The following DDX59 variants were observed in gnomAD, a reference collection of about 807,000 sequenced individuals.
DDX59 encodes the protein probable ATP-dependent RNA helicase DDX59.
In DDX59, 30 loss-of-function variants were observed where a neutral mutation model predicts 51.9. That is an observed-to-expected ratio of 0.58 (90% CI 0.43 to 0.78). The LOEUF (loss-of-function observed/expected upper bound fraction) is 0.78. Among genes scored for constraint, DDX59 ranks in the 30% least tolerant of loss-of-function variants. The pLI is 0.00. For missense variants in DDX59, 672 were observed against 730.8 expected (o/e 0.92, Z 0.93); for synonymous variants, 255 against 253.3 (o/e 1.01, Z -0.06).
chr1:200,650,256 CA>C (rs1661571315), intron 5 of DDX59, among the ~76,000 whole-genome samples, 168 bp downstream of exon 5: 1 of 152,018 alleles, frequency 6.6e-6, no homozygotes. Context: ...CATGTTTTCC[CA>C]AATAGCTATT....
rs542150697 is a variant in DDX59 at position 200,657,794 on chromosome 1, G to A, written c.1062+1233C>T. 2.6e-5 allele frequency among the ~76,000 whole-genome samples: 4 copies of A among 151,688 alleles called. No individual in the cohort carries two copies. The South Asian group carries it at 8.3e-4, about 32-fold the overall frequency. On this transcript the variant is annotated intron_variant, in intron 4 of 7. Transcript: ENST00000331314. ...TAGCTGGGCATGGTGGCAGGTGCCT[G>A]TAATCCCAGCTACTCAGGAGGCTGA...
At position 200,659,201 on chromosome 1, in the gene DDX59, T is replaced by C. The variant is rs1325240859; in HGVS notation, c.973-85A>G. On this transcript the variant is annotated intron_variant, in intron 3 of 7. Transcript: ENST00000331314. Reference sequence around the variant, plus strand: ...TTCCATATTGATTGAGCAACTAATATGTACCAGACACTGTGTTAAGCACCC... The same window carrying C: ...TTCCATATTGATTGAGCAACTAATACGTACCAGACACTGTGTTAAGCACCC... 3.9e-6 allele frequency: 4 copies of C among 1,015,570 alleles called. No homozygotes were observed. In the African/African-American group the frequency reaches 6.4e-5, roughly 16 times the overall value. The allele number at this position is 1,015,570 out of a possible 1,614,324, so 62.9% of individuals were successfully genotyped here.
chr1:200,651,060 T>G (rs1424217587), intron 4 of DDX59, among the ~76,000 whole-genome samples: 1 of 152,146 alleles, frequency 6.6e-6, no homozygotes, highest in Non-Finnish European at 1.5e-5. Flanking sequence ...TTACAGAATA[T>G]TATGTGTAAC....
At position 200,666,201 on chromosome 1, in the gene DDX59, G is replaced by T; in HGVS notation, c.540C>A (p.Asp180Glu). The change falls in exon 2 of 8, where the codon GAC becomes GAA. Residue 180 changes from aspartate to glutamate, a missense_variant. Physicochemically the swap from Asp to Glu is conservative, Grantham distance 45. Coordinates refer to ENST00000331314, the MANE Select transcript of DDX59 (RefSeq NM_001031725.6). ...GCTGCTGTTTAAGATTTTCAATCTG[G>T]TCTTCCTGAAGGTTCAAAATAAAGG... ...EHPFILNLQE[D>E]QIENLKQQLG... 6.2e-7 allele frequency: 1 copy of T among 1,614,200 alleles called. No homozygotes were observed. Among genetic ancestry groups the T allele is most frequent in the Non-Finnish European group, 8.5e-7 (1 of 1,180,030 alleles).
In DDX59 at chr1:200,644,199, A is replaced by G. The variant is rs1193278206; in HGVS notation, c.*55T>C. ...ATGTACATTTCCATTTATGCAAACC[A>G]TAATTTTTTGCTGACTATATACAAT... On this transcript the variant is annotated 3_prime_UTR_variant, in exon 8 of 8. Transcript: ENST00000331314. 46 of 1,293,474 alleles carry G rather than the reference A, an allele frequency of 3.6e-5. No homozygotes were observed. The highest frequency in any genetic ancestry group is 4.3e-5 in the Non-Finnish European group (43 of 1,003,372). The allele number at this position is 1,293,474 out of a possible 1,614,324, so 80.1% of individuals were successfully genotyped here.
chr1:200,648,568 C>T lies in DDX59; in HGVS notation c.1468-1G>A, dbSNP rs1259586592. 1.2e-6 allele frequency: 2 copies of T among 1,602,960 alleles called. No homozygotes were observed. Among genetic ancestry groups the T allele is most frequent in the Admixed American group, 1.8e-5 (1 of 56,700 alleles). ...CTTCATAGTCTCCTTCAAGTAATCC[C>T]TTTCCAAAAAAGCAACAAAATTTAT... On this transcript the variant is annotated splice_acceptor_variant, in intron 6 of 7. Coordinates refer to ENST00000331314, the MANE Select transcript of DDX59 (RefSeq NM_001031725.6). LOFTEE classifies it high-confidence loss of function.
intron 1 of DDX59, among the ~76,000 whole-genome samples, chr1:200,668,673 T>A (rs1237011711): frequency 6.6e-6 from 1 of 152,196 alleles, no homozygotes; most frequent in Admixed American, 6.5e-5. Flanking sequence ...AGAATTCCCA[T>A]CTCCCCTTGT....
Position 200,666,056 on chromosome 1 carries a change from T to C in DDX59, c.685A>G (p.Ile229Val). ...CCCACAGGAATCATCTGCATTTGAA[T>C]GGGAGTTGGCACCTCATAGCCTGAT... ...KKSGYEVPTP[I>V]QMQMIPVGLL... Residue 229 changes from isoleucine (I) to valine (V), a missense_variant, in exon 2 of 8, where the codon ATT becomes GTT. Ile to Val is a conservative substitution (Grantham distance 29, BLOSUM62 3). Transcript: ENST00000331314. 1.2e-6 allele frequency: 2 copies of C among 1,614,222 alleles called. No homozygotes were observed. The highest frequency in any genetic ancestry group is 8.5e-7 in the Non-Finnish European group (1 of 1,180,046).
intron 4 of DDX59, chr1:200,654,384 G>A (rs1661876057): frequency 6.6e-6 from 1 of 151,066 alleles, no homozygotes; most frequent in Admixed American, 6.6e-5. Context: ...CTGCACTCCA[G>A]CCTGGCGGGG....
chr1:200,661,297 A>T (rs1366889225), intron 3 of DDX59, among the ~76,000 whole-genome samples: 2 of 152,246 alleles, frequency 1.3e-5, no homozygotes, highest in Non-Finnish European at 2.9e-5. Context: ...ATATAAATAA[A>T]TATATAAATA....
chr1:200,655,919 C>A (rs908788794), intron 4 of DDX59, among the ~76,000 whole-genome samples: 2 of 152,096 alleles, frequency 1.3e-5, no homozygotes, highest in African/African-American at 4.8e-5. Flanking sequence ...CAACCTCCAC[C>A]TCCCGGGTTC....
intron 4 of DDX59, among the ~76,000 whole-genome samples, chr1:200,656,293 T>C (rs1287657909): frequency 6.6e-6 from 1 of 152,220 alleles, no homozygotes; most frequent in Non-Finnish European, 1.5e-5. Context: ...AAGCCTAAGA[T>C]ATTTACCATC....
intron 2 of DDX59, 89 bp downstream of exon 2, chr1:200,665,848 G>T: frequency 7.2e-7 from 1 of 1,379,912 alleles, no homozygotes; most frequent in Non-Finnish European, 9.7e-7. Flanking sequence ...GTTTTAGTCT[G>T]CAATTTTAAT....
chr1:200,649,628 C>CAA (rs60657099), intron 5 of DDX59, among the ~76,000 whole-genome samples: 2,113 of 120,554 alleles, frequency 0.018, 111 homozygotes, highest in East Asian at 0.13. Flanking sequence ...GATTCCGTCA[C>CAA]AAAAAAAAAA....
downstream of DDX59, among the ~76,000 whole-genome samples, chr1:200,641,904 G>A (rs186772775): frequency 9.7e-4 from 147 of 152,326 alleles, no homozygotes; most frequent in African/African-American, 3.2e-3. Flanking sequence ...TCAGGAGGCT[G>A]AGGCAGGAGA....
rs1267036195 is a variant in DDX59 at position 200,648,669 on chromosome 1, T to TA, written c.1468-103dup. The TA allele has an allele frequency of 4.4e-6, 6 of 1,350,496 alleles. No individual in the cohort carries two copies. In the African/African-American group the frequency reaches 8.8e-5, roughly 20 times the overall value. 83.7% of individuals were successfully genotyped at this position (1,350,496 alleles called of 1,614,324 possible). On this transcript the variant is annotated intron_variant, in intron 6 of 7. Transcript: ENST00000331314. ...TTTATAATGCTTACTTCAATATTTT[T>TA]ATTGCAATATTTTTTCAATAAGTAA...
In DDX59 at chr1:200,648,666, T is replaced by G. The variant is rs1661454783; in HGVS notation, c.1468-99A>C. ...CTTTTTATAATGCTTACTTCAATATTTTTATTGCAATATTTTTTCAATAAG... is the reference window on the plus strand; with the variant it reads ...CTTTTTATAATGCTTACTTCAATATGTTTATTGCAATATTTTTTCAATAAG... On this transcript the variant is annotated intron_variant, in intron 6 of 7. Coordinates refer to ENST00000331314, the MANE Select transcript of DDX59 (RefSeq NM_001031725.6). The G allele has an allele frequency of 1.2e-5, 17 of 1,361,886 alleles. No individual in the cohort carries two copies. The South Asian group carries it at 2.6e-4, about 21-fold the overall frequency. 84.4% of individuals were successfully genotyped at this position (1,361,886 alleles called of 1,614,324 possible). A position where few individuals can be genotyped will look rare whatever the true frequency, so the allele number is the denominator to read the frequency against.
At chr1:200,641,186 C>T, downstream of DDX59, 4 of 1,304,738 alleles carry the variant, frequency 3.1e-6, no homozygotes, top group Non-Finnish European at 3.0e-6. Context: ...GGTGAGTAGA[C>T]TGTATAACAA....
chr1:200,654,851 CTCT>C (rs1317353759), intron 4 of DDX59: 1 of 152,278 alleles, frequency 6.6e-6, no homozygotes, highest in Non-Finnish European at 1.5e-5. Flanking sequence ...CAATGGTTCT[CTCT>C]TCTTCAAGGA....
Sources: gnomAD v4.1 joint callset for allele counts (sites outside exome capture counted in the v4.1 genomes callset) on GRCh38, gnomAD v4.1.1 for gene constraint, MANE v1.5 for transcripts, NCBI Gene and HGNC (gene_info 2026-07-23, HGNC 2026-07-21) for gene names.